The following LPP variants were observed in gnomAD, a reference collection of about 807,000 sequenced individuals.
The protein encoded by LPP is LIM domain containing preferred translocation partner in lipoma.
In LPP, 38 loss-of-function variants were observed where a neutral mutation model predicts 60.4. The observed-to-expected ratio is 0.63, with a 90% CI of 0.49 to 0.83. The LOEUF (loss-of-function observed/expected upper bound fraction) is 0.83, where lower values mean the gene tolerates loss of function less well. LPP is among the 40% of genes least tolerant of loss of function. The pLI is 0.00. For missense variants in LPP, 902 were observed against 783.6 expected, an observed-to-expected ratio of 1.15 and a Z score of -1.80; for synonymous variants, 328 against 290.8, an observed-to-expected ratio of 1.13 and a Z score of -1.30.
intron 6 of LPP, among the ~76,000 whole-genome samples, chr3:188,528,658 C>T (rs888269283): frequency 2.0e-5 from 3 of 152,058 alleles, no homozygotes; most frequent in Admixed American, 6.6e-5. Context: ...CTGAGATGTG[C>T]GTGATGTGCT....
intron 1 of LPP, among the ~76,000 whole-genome samples, chr3:188,193,649 T>C (rs1728767168): frequency 6.6e-6 from 1 of 152,236 alleles, no homozygotes; most frequent in African/African-American, 2.4e-5. Context: ...TGTTCACATG[T>C]GTGGTCTGGT....
chr3:188,375,509 TAC>T (rs1774755392), intron 3 of LPP, among the ~76,000 whole-genome samples: 2 of 152,236 alleles, frequency 1.3e-5, no homozygotes, highest in Admixed American at 1.3e-4. Context: ...GTGTTTGTAG[TAC>T]TCTCTGATGG....
chr3:188,789,098 G>T (rs970605717), intron 9 of LPP, among the ~76,000 whole-genome samples: 3 of 147,592 alleles, frequency 2.0e-5, no homozygotes, highest in Admixed American at 6.7e-5. Flanking sequence ...TTGTTGTTGG[G>T]TTTTTTTTTT....
chr3:188,551,968 G>C (rs1026397549), intron 6 of LPP, among the ~76,000 whole-genome samples: 4 of 151,946 alleles, frequency 2.6e-5, no homozygotes, highest in South Asian at 2.1e-4. Flanking sequence ...GTCAAGCAAA[G>C]GAGTTTGTGC....
chr3:188,248,738 C>T (rs1031997656), intron 2 of LPP, among the ~76,000 whole-genome samples: 2 of 151,892 alleles, frequency 1.3e-5, no homozygotes, highest in African/African-American at 2.4e-5. Context: ...GAAGGCAGCA[C>T]ATGTGACCTA....
chr3:188,338,496 T>C (rs932449593), intron 2 of LPP, among the ~76,000 whole-genome samples: 2 of 152,350 alleles, frequency 1.3e-5, no homozygotes, highest in Non-Finnish European at 1.5e-5. Flanking sequence ...CAAATTATTA[T>C]TGGCCTTTTC....
chr3:188,880,605 C>T lies in LPP; in HGVS notation c.*6126C>T. 5.3e-6 allele frequency: 1 copy of T among 188,658 alleles called. No individual in the cohort carries two copies. Among genetic ancestry groups the T allele is most frequent in the African/African-American group, 2.3e-5 (1 of 42,896 alleles). The allele number at this position is 188,658 out of a possible 1,614,324, so 11.7% of individuals were successfully genotyped here. A position where few individuals can be genotyped will look rare whatever the true frequency, so the allele number is the denominator to read the frequency against. On this transcript the variant is annotated 3_prime_UTR_variant, in exon 12 of 12. Transcript: ENST00000617246. ...TGTTATGTGGCATTGTTAATTTTTC[C>T]TAGATACCCATCCACTTAAGGGCCA...
intron 9 of LPP, among the ~76,000 whole-genome samples, chr3:188,797,095 A>G (rs1237322071): frequency 6.7e-6 from 1 of 149,428 alleles, no homozygotes; most frequent in African/African-American, 2.5e-5. Context: ...CGTTAGAGGG[A>G]ATTGTCTTCA....
At chr3:188,229,703 T>C (rs7649059) in intron 2 of LPP, among the ~76,000 whole-genome samples, 2,579 of 152,310 alleles carry the variant, frequency 0.017, 66 homozygotes, top group African/African-American at 0.056. Context: ...TAAAAAGTAG[T>C]GATATCTCTT....
intron 5 of LPP, among the ~76,000 whole-genome samples, chr3:188,513,711 G>T (rs927338590): frequency 1.3e-5 from 2 of 152,052 alleles, no homozygotes; most frequent in Admixed American, 6.6e-5. Context: ...AAAGTGAGGG[G>T]TTTTTGTTGC....
chr3:188,217,750 G>T lies in LPP; in HGVS notation c.-189-7655G>T, dbSNP rs771858137. Reference sequence around the variant, plus strand: ...AATAGGTGCCCTAGGGGGTTGCCCAGATAAGCAGCTGGCGTTCCAAGACCA... The same window carrying T: ...AATAGGTGCCCTAGGGGGTTGCCCATATAAGCAGCTGGCGTTCCAAGACCA... On this transcript the variant is annotated intron_variant, in intron 1 of 11. Transcript: ENST00000617246. This position sits in a 1 kb window ranked among gnomAD's most constrained non-coding sequence, Gnocchi z 4.0. Among the ~76,000 whole-genome samples the T allele has an allele frequency of 4.6e-5, 7 of 152,172 alleles. No homozygotes were observed. The highest frequency in any genetic ancestry group is 8.8e-5 in the Non-Finnish European group (6 of 68,030).
intron 3 of LPP, among the ~76,000 whole-genome samples, chr3:188,381,598 G>A (rs1164751831): frequency 1.3e-5 from 2 of 152,186 alleles, no homozygotes; most frequent in Non-Finnish European, 2.9e-5. Context: ...CCCACTTTCC[G>A]ATTCGGGGGA....
chr3:188,852,366 T>C (rs1281587457), intron 9 of LPP, among the ~76,000 whole-genome samples: 4 of 152,152 alleles, frequency 2.6e-5, no homozygotes, highest in Non-Finnish European at 5.9e-5. Flanking sequence ...CTCTCCAGCT[T>C]TGGGATAACC....
At chr3:188,400,902 C>T (rs942411671) in intron 3 of LPP, among the ~76,000 whole-genome samples, 1 of 152,138 alleles carries the variant, frequency 6.6e-6, no homozygotes, top group Non-Finnish European at 1.5e-5. Flanking sequence ...AAGCCAAGAG[C>T]CCCAATGATA....
chr3:188,171,889 G>A (rs943725523), intron 1 of LPP, among the ~76,000 whole-genome samples: 2 of 152,114 alleles, frequency 1.3e-5, no homozygotes, highest in African/African-American at 4.8e-5. Flanking sequence ...CTCTCTACCC[G>A]AACTGACACT....
At chr3:188,305,265 A>G (rs889463900) in intron 2 of LPP, among the ~76,000 whole-genome samples, 1 of 152,206 alleles carries the variant, frequency 6.6e-6, no homozygotes, top group African/African-American at 2.4e-5. Flanking sequence ...CCTTGATTTC[A>G]GTGTTATTTT....
chr3:188,504,504 TTTG>T (rs1444839111), intron 5 of LPP, among the ~76,000 whole-genome samples: 2 of 152,192 alleles, frequency 1.3e-5, no homozygotes, highest in South Asian at 2.1e-4. Context: ...CTTTTGATTT[TTTG>T]TTGTTGTTGA....
intron 6 of LPP, among the ~76,000 whole-genome samples, chr3:188,602,191 A>G (rs1841505224): frequency 7.3e-6 from 1 of 136,900 alleles, no homozygotes; most frequent in African/African-American, 2.6e-5. Context: ...TATATATATG[A>G]CATTCTTAAT....
At position 188,877,459 on chromosome 3, in the gene LPP, G is replaced by A; in HGVS notation, c.*2980G>A. 1 of 187,104 alleles carries A rather than the reference G, an allele frequency of 5.3e-6. No individual in the cohort carries two copies. The highest frequency in any genetic ancestry group is 1.1e-5 in the Non-Finnish European group (1 of 88,574). 11.6% of individuals were successfully genotyped at this position (187,104 alleles called of 1,614,324 possible). On this transcript the variant is annotated 3_prime_UTR_variant, in exon 12 of 12. Coordinates refer to ENST00000617246, the MANE Select transcript of LPP (RefSeq NM_001375462.1). Reference sequence around the variant, plus strand: ...AATCCACTATATCATGGGCTCTGCAGAACATATCAAAATAGGATTTCTTAA... The same window carrying A: ...AATCCACTATATCATGGGCTCTGCAAAACATATCAAAATAGGATTTCTTAA...
Sources: gnomAD v4.1 joint callset for allele counts (sites outside exome capture counted in the v4.1 genomes callset) on GRCh38, gnomAD v4.1.1 for gene constraint, Gnocchi (gnomAD v3.1) non-coding constraint, MANE v1.5 for transcripts, NCBI Gene and HGNC (gene_info 2026-07-23, HGNC 2026-07-21) for gene names.